Variants in CFAP251 observed in about 807,000 individuals in gnomAD.
CFAP251 encodes the protein cilia- and flagella-associated protein 251.
Under a neutral mutation model 126.7 loss-of-function variants are expected in CFAP251, and 93 were observed. That is an observed-to-expected ratio of 0.73 (90% CI 0.62 to 0.87). CFAP251 has a LOEUF of 0.87. Ranked by LOEUF, CFAP251 falls within the 40% of genes least tolerant of loss-of-function variation. The pLI is 0.00. For missense variants in CFAP251, 1,287 were observed against 1,389.2 expected (o/e 0.93, Z 1.17); for synonymous variants, 503 against 506.9 (o/e 0.99, Z 0.10).
In CFAP251 at chr12:121,923,562, G is replaced by A. The variant is rs943923534; in HGVS notation, c.379-60G>A. ...AGACTGGCTGACTGGGAATAGAAAAGGTGAATAAATGGTGAGTAGCAGCAC... is the reference window on the plus strand; with the variant it reads ...AGACTGGCTGACTGGGAATAGAAAAAGTGAATAAATGGTGAGTAGCAGCAC... On this transcript the variant is annotated intron_variant, in intron 2 of 21. Transcript: ENST00000288912. 9.8e-6 allele frequency: 15 copies of A among 1,532,512 alleles called. No individual in the cohort carries two copies. In the African/African-American group the frequency reaches 1.2e-4, roughly 13 times the overall value. 94.9% of individuals were successfully genotyped at this position (1,532,512 alleles called of 1,614,324 possible).
intron 8 of CFAP251, chr12:121,949,324 A>G (rs1463591391): frequency 4.9e-6 from 1 of 205,896 alleles, no homozygotes; most frequent in African/African-American, 2.3e-5. Flanking sequence ...TAACAAGACT[A>G]AAATACAAGT....
Position 121,942,570 on chromosome 12 carries a change from A to G in CFAP251, c.1035A>G (p.Glu345=). 2 of 1,613,974 alleles carry G rather than the reference A, an allele frequency of 1.2e-6. No homozygotes were observed. Among genetic ancestry groups the G allele is most frequent in the South Asian group, 2.2e-5 (2 of 91,072 alleles). The part of the protein sequence containing the change: ...PVHTIFDSCP[E]GNGIMAMAMT... The stretch of plus-strand genomic sequence containing the variant: ...ACACAATATTTGACAGCTGCCCTGA[A>G]GGGAATGGCATCATGGCCATGGCCA... The change falls in exon 6 of 22, where the codon GAA becomes GAG. Residue 345 remains glutamate (E), a synonymous_variant. Transcript: ENST00000288912.
chr12:121,951,492 G>C lies in CFAP251; in HGVS notation c.1282G>C (p.Asp428His), dbSNP rs1264451087. ...TTCCTCTTATCAGTATGAAGAGAGG[G>C]ATACACTGGCTCACAGTGCCCCACT... ...AIYYAWYEER[D>H]TLAHSAPLLT... The change falls in exon 9 of 22, where the codon GAT becomes CAT. Residue 428 changes from aspartate (D) to histidine (H), a missense_variant. Transcript: ENST00000288912. 2.5e-6 allele frequency: 4 copies of C among 1,582,714 alleles called. No individual in the cohort carries two copies. The highest frequency in any genetic ancestry group is 3.5e-6 in the Non-Finnish European group (4 of 1,155,812).
chr12:121,969,116 C>T (rs1882249428), intron 17 of CFAP251: 1 of 985,314 alleles, frequency 1.0e-6, no homozygotes, highest in Non-Finnish European at 1.2e-6. Flanking sequence ...CACCTTCCTT[C>T]CTCGGAAAAC....
chr12:121,958,819 C>T, intron 12 of CFAP251, 124 bp from the exon 13 acceptor site: 1 of 1,238,014 alleles, frequency 8.1e-7, no homozygotes, highest in Non-Finnish European at 1.1e-6. Flanking sequence ...GTTCATTTCT[C>T]CGCACGGGAG....
chr12:122,001,442 C>G, intron 20 of CFAP251, 55 bp from the exon 21 acceptor site: 1 of 1,363,946 alleles, frequency 7.3e-7, no homozygotes, highest in Non-Finnish European at 1.1e-6. Flanking sequence ...TAAGCCCTGA[C>G]AGTATGCTTA....
At chr12:121,931,676 G>T in intron 3 of CFAP251, 70 bp from the exon 4 acceptor site, 1 of 1,371,238 alleles carries the variant, frequency 7.3e-7, no homozygotes, top group South Asian at 2.1e-5. Flanking sequence ...CCCCTCCGGC[G>T]AGTTCCTGGA....
chr12:121,938,762 C>T (rs1050044244), intron 5 of CFAP251, among the ~76,000 whole-genome samples: 5 of 151,008 alleles, frequency 3.3e-5, no homozygotes, highest in Non-Finnish European at 7.4e-5. Flanking sequence ...GCGGGTGGAT[C>T]ACTTGAGGTC....
At chr12:121,995,738 G>C (rs1455130083) in intron 19 of CFAP251, among the ~76,000 whole-genome samples, 1 of 152,096 alleles carries the variant, frequency 6.6e-6, no homozygotes, top group Non-Finnish European at 1.5e-5. Context: ...CTCCCACCCT[G>C]GCCTCCCAAA....
chr12:121,921,701 T>G lies in CFAP251; in HGVS notation c.378+18T>G, dbSNP rs79100460. ...TTTTCCCAGTAAGTAGTCATCTTAA[T>G]TCATTCATCAATTCATTCAGAATCA... On this transcript the variant is annotated intron_variant, in intron 2 of 21. Transcript: ENST00000288912. 25,167 of 1,589,766 alleles carry G rather than the reference T, an allele frequency of 0.016. 305 individuals are homozygous for G. The highest frequency in any genetic ancestry group is 0.017 in the Non-Finnish European group (19,786 of 1,168,466).
chr12:122,003,551 C>A, intron 21 of CFAP251, 101 bp from the exon 22 acceptor site: 1 of 842,690 alleles, frequency 1.2e-6, no homozygotes, highest in Middle Eastern at 2.3e-4. Flanking sequence ...CCAGCCTGGG[C>A]AACAGAGCAA....
Position 121,957,104 on chromosome 12 carries a change from C to T in CFAP251, c.1566C>T (p.Asn522=), listed in dbSNP as rs1881752153. The change falls in exon 11 of 22, where the codon AAC becomes AAT. Residue 522 remains asparagine (N), a synonymous_variant. Coordinates refer to ENST00000288912, the MANE Select transcript of CFAP251 (RefSeq NM_144668.6). ...TTGTCACAGGTGACATTAAGGGGAA[C>T]ATTAAGTTCTATGATCACACCCTGT... ...SYIVTGDIKG[N]IKFYDHTLSI... 1.9e-6 allele frequency: 3 copies of T among 1,604,096 alleles called. No individual in the cohort carries two copies. The highest frequency in any genetic ancestry group is 1.3e-5 in the African/African-American group (1 of 74,498).
intron 3 of CFAP251, among the ~76,000 whole-genome samples, chr12:121,925,496 G>A (rs1213783296): frequency 1.3e-5 from 2 of 152,178 alleles, no homozygotes; most frequent in African/African-American, 2.4e-5. Flanking sequence ...GTGGCAAGAC[G>A]TCTGGAGGGA....
intron 19 of CFAP251, among the ~76,000 whole-genome samples, chr12:121,977,255 G>C (rs1882483018): frequency 6.6e-6 from 1 of 152,106 alleles, no homozygotes; most frequent in South Asian, 2.1e-4. Flanking sequence ...ATGAAGAAAA[G>C]GTACAGTAAA....
intron 10 of CFAP251, chr12:121,955,925 A>G (rs1330060686): frequency 6.6e-6 from 1 of 152,114 alleles, no homozygotes; most frequent in Non-Finnish European, 1.5e-5. Context: ...CTTGGTCAGT[A>G]TTGCTGCTTC....
At chr12:121,920,335 C>T (rs1301771846) in intron 1 of CFAP251, among the ~76,000 whole-genome samples, 1 of 142,458 alleles carries the variant, frequency 7.0e-6, no homozygotes, top group Non-Finnish European at 1.5e-5. Context: ...TCAAGCTATT[C>T]TCCTGCCTCG....
intron 17 of CFAP251, chr12:121,970,070 T>C (rs143763531): frequency 1.9e-5 from 11 of 576,770 alleles, no homozygotes; most frequent in Admixed American, 1.9e-4. Flanking sequence ...GAGTTACTGA[T>C]GATGAGTTGT....
chr12:121,953,974 T>G (rs2135777362), intron 9 of CFAP251, 146 bp from the exon 10 acceptor site: 1 of 797,880 alleles, frequency 1.3e-6, no homozygotes, highest in South Asian at 1.9e-5. Context: ...CCATGGCAAT[T>G]CATGGGAGAC....
intron 9 of CFAP251, among the ~76,000 whole-genome samples, chr12:121,952,092 A>G (rs1255242567): frequency 6.6e-6 from 1 of 151,764 alleles, no homozygotes; most frequent in Non-Finnish European, 1.5e-5. Flanking sequence ...TAGAATGTGT[A>G]TGTGCATATT....
Sources: gnomAD v4.1 joint callset for allele counts (sites outside exome capture counted in the v4.1 genomes callset) on GRCh38, gnomAD v4.1.1 for gene constraint, MANE v1.5 for transcripts, NCBI Gene and HGNC (gene_info 2026-07-23, HGNC 2026-07-21) for gene names.